BICC1: variants seen among roughly 807,000 people sequenced by gnomAD.
The protein encoded by BICC1 is protein bicaudal C homolog 1.
Under a neutral mutation model 111.0 loss-of-function variants are expected in BICC1, and 43 were observed. The observed-to-expected ratio is 0.39, with a 90% CI of 0.30 to 0.50. The LOEUF is 0.50. Ranked by LOEUF, BICC1 falls within the 20% of genes least tolerant of loss-of-function variation. BICC1 has a pLI of 0.88. For missense variants in BICC1, 1,091 were observed against 1,203.2 expected, an observed-to-expected ratio of 0.91 and a Z score of 1.38; for synonymous variants, 467 against 434.4, an observed-to-expected ratio of 1.07 and a Z score of -0.93.
chr10:58,823,846 A>G, intron 20 of BICC1: 1 of 985,202 alleles, frequency 1.0e-6, no homozygotes, highest in Non-Finnish European at 1.2e-6. Flanking sequence ...TTTGCCTTTA[A>G]ATATATTCAA....
chr10:58,654,109 C>CT (rs1367699753), intron 2 of BICC1, among the ~76,000 whole-genome samples: 2 of 128,012 alleles, frequency 1.6e-5, no homozygotes, highest in Non-Finnish European at 3.3e-5. Context: ...GGTTCCAAGT[C>CT]TTTGCTATTG....
chr10:58,826,045 C>G (rs1844385107), intron 20 of BICC1, among the ~76,000 whole-genome samples: 1 of 151,700 alleles, frequency 6.6e-6, no homozygotes. Flanking sequence ...GCTAGACCTG[C>G]AGATGCAAAA....
intron 1 of BICC1, among the ~76,000 whole-genome samples, chr10:58,620,518 G>A (rs1845767726): frequency 6.6e-6 from 1 of 152,192 alleles, no homozygotes; most frequent in Non-Finnish European, 1.5e-5. Flanking sequence ...GAAGTGCTTG[G>A]AATGCTACAG....
chr10:58,652,326 A>C (rs909769924), intron 2 of BICC1, among the ~76,000 whole-genome samples: 1 of 152,160 alleles, frequency 6.6e-6, no homozygotes, highest in Non-Finnish European at 1.5e-5. Flanking sequence ...GCGGTAGCCA[A>C]ATTAATATGT....
intron 1 of BICC1, among the ~76,000 whole-genome samples, chr10:58,523,611 A>G (rs1211879207): frequency 1.3e-5 from 2 of 152,210 alleles, no homozygotes; most frequent in East Asian, 3.8e-4. Flanking sequence ...TGAATGGGCA[A>G]AAACTGGAAG....
intron 2 of BICC1, among the ~76,000 whole-genome samples, chr10:58,658,625 G>A (rs1010071050): frequency 6.6e-6 from 1 of 152,032 alleles, no homozygotes; most frequent in Non-Finnish European, 1.5e-5. Context: ...TTGTTTATTC[G>A]TTTAATGGGT....
Position 58,813,908 on chromosome 10 carries a change from C to T in BICC1, c.2455C>T (p.Arg819Ter), listed in dbSNP as rs1843997098. The T allele has an allele frequency of 6.2e-7, 1 of 1,613,966 alleles. No individual in the cohort carries two copies. The highest frequency in any genetic ancestry group is 8.5e-7 in the Non-Finnish European group (1 of 1,179,908). The change falls in exon 18 of 21, where the codon CGA becomes TGA. Residue 819 changes from arginine (R) to a stop codon, truncating the protein, a stop_gained. Transcript: ENST00000373886. LOFTEE classifies it high-confidence loss of function. ...AAGCGAATCTGATAACTGGAGAGAC[C>T]GAAATGGAATTGGACCTGGAAGTCA... ...GGSESDNWRD[R>*]NGIGPGSHSE...
chr10:58,605,937 G>T (rs984324881), intron 1 of BICC1, among the ~76,000 whole-genome samples: 1 of 152,042 alleles, frequency 6.6e-6, no homozygotes, highest in Non-Finnish European at 1.5e-5. Flanking sequence ...TAATTGCCTT[G>T]TTCTTTTCTT....
At chr10:58,558,974 A>T (rs1231993614) in intron 1 of BICC1, among the ~76,000 whole-genome samples, 8 of 152,126 alleles carry the variant, frequency 5.3e-5, no homozygotes, top group African/African-American at 1.9e-4. Context: ...CCTTGAGAGT[A>T]TGTTTCAAAA....
intron 8 of BICC1, among the ~76,000 whole-genome samples, chr10:58,791,560 A>AC (rs1299817620): frequency 6.6e-6 from 1 of 152,102 alleles, no homozygotes; most frequent in East Asian, 1.9e-4. Flanking sequence ...ATATGGTGAA[A>AC]CCCCATCTCT....
chr10:58,757,155 G>C (rs1842171211), intron 3 of BICC1, among the ~76,000 whole-genome samples: 1 of 152,178 alleles, frequency 6.6e-6, no homozygotes, highest in Non-Finnish European at 1.5e-5. Flanking sequence ...TACAAGGACT[G>C]TATATAAAAT....
intron 15 of BICC1, among the ~76,000 whole-genome samples, chr10:58,803,712 G>A (rs1843626279): frequency 6.6e-6 from 1 of 152,146 alleles, no homozygotes; most frequent in South Asian, 2.1e-4. Flanking sequence ...TATTATTGAT[G>A]ATTGTGTTGG....
chr10:58,769,312 A>ACG (rs1421222974), intron 3 of BICC1, among the ~76,000 whole-genome samples: 6 of 150,344 alleles, frequency 4.0e-5, no homozygotes, highest in African/African-American at 1.5e-4. Context: ...ACACACATGC[A>ACG]CACGCACAGA....
chr10:58,715,534 T>C, intron 3 of BICC1: 1 of 1,417,570 alleles, frequency 7.1e-7, no homozygotes, highest in South Asian at 1.1e-5. Context: ...GGCGTGCCAC[T>C]GTGTGCTCAG....
At chr10:58,692,544 A>G (rs565393647) in intron 2 of BICC1, among the ~76,000 whole-genome samples, 1 of 152,374 alleles carries the variant, frequency 6.6e-6, no homozygotes, top group African/African-American at 2.4e-5. Context: ...AAATGAAAAA[A>G]GTAAAACTAA....
chr10:58,828,053 T>C (rs190270778), intron 20 of BICC1, among the ~76,000 whole-genome samples: 1 of 152,356 alleles, frequency 6.6e-6, no homozygotes, highest in East Asian at 1.9e-4. Flanking sequence ...ATAAAATACA[T>C]ATAACATACA....
chr10:58,552,505 T>G (rs1769145496), intron 1 of BICC1, among the ~76,000 whole-genome samples: 1 of 152,000 alleles, frequency 6.6e-6, no homozygotes, highest in African/African-American at 2.4e-5. Context: ...CCAGCTAATT[T>G]TTTGTATTTT....
intron 3 of BICC1, chr10:58,715,638 A>C: frequency 6.2e-7 from 1 of 1,605,752 alleles, no homozygotes; most frequent in Non-Finnish European, 8.5e-7. Flanking sequence ...TTCAGGGCCA[A>C]CAATACAGGA....
chr10:58,784,844 A>G (rs1304987714), intron 3 of BICC1, among the ~76,000 whole-genome samples, 157 bp from the exon 4 acceptor site: 5 of 152,170 alleles, frequency 3.3e-5, no homozygotes, highest in Non-Finnish European at 7.4e-5. Context: ...TGTTGTTACA[A>G]TAACACACCT....
Sources: gnomAD v4.1 joint callset for allele counts (sites outside exome capture counted in the v4.1 genomes callset) on GRCh38, gnomAD v4.1.1 for gene constraint, MANE v1.5 for transcripts, NCBI Gene and HGNC (gene_info 2026-07-23, HGNC 2026-07-21) for gene names.